The following VPS13A variants were observed in gnomAD, a reference collection of about 807,000 sequenced individuals.
VPS13A encodes intermembrane lipid transfer protein VPS13A.
VPS13A carries 264 observed loss-of-function variants against 390.9 expected under a neutral mutation model. The observed-to-expected ratio is 0.68, with a 90% confidence interval of 0.61 to 0.75. VPS13A has a LOEUF of 0.75. VPS13A is among the 30% of genes least tolerant of loss of function. The pLI is 0.00. For missense variants in VPS13A, 3,409 were observed against 3,733.9 expected, an observed-to-expected ratio of 0.91 and a Z score of 2.27; for synonymous variants, 1,231 against 1,227.1, an observed-to-expected ratio of 1.00 and a Z score of -0.07.
chr9:77,186,232 CATT>C (rs1291029114), intron 1 of VPS13A, among the ~76,000 whole-genome samples: 1 of 152,184 alleles, frequency 6.6e-6, no homozygotes, highest in African/African-American at 2.4e-5. Flanking sequence ...CCCATTGTAA[CATT>C]GTTGTCATTA....
intron 71 of VPS13A, among the ~76,000 whole-genome samples, chr9:77,413,290 CT>C (rs1482793940): frequency 2.6e-5 from 4 of 152,222 alleles, no homozygotes; most frequent in African/African-American, 9.6e-5. Flanking sequence ...CAAGTCAATC[CT>C]AAGCCAAAAG....
At chr9:77,186,560 C>T (rs1019229471) in intron 1 of VPS13A, among the ~76,000 whole-genome samples, 45 of 152,198 alleles carry the variant, frequency 3.0e-4, no homozygotes, top group Admixed American at 2.7e-3. Context: ...GCCTCAGCCT[C>T]CTAAGTAGCT....
At chr9:77,197,220 G>C (rs1825055409) in intron 1 of VPS13A, among the ~76,000 whole-genome samples, 1 of 152,128 alleles carries the variant, frequency 6.6e-6, no homozygotes, top group Admixed American at 6.5e-5. Flanking sequence ...GTGCACCTGA[G>C]AAAAATGTGT....
chr9:77,312,189 G>A (rs1587554088), intron 35 of VPS13A, among the ~76,000 whole-genome samples: 1 of 152,020 alleles, frequency 6.6e-6, no homozygotes, highest in Non-Finnish European at 1.5e-5. Flanking sequence ...CAGAGAAAAT[G>A]TTTAAATGTA....
intron 35 of VPS13A, among the ~76,000 whole-genome samples, chr9:77,309,018 A>G (rs967211885): frequency 2.0e-5 from 3 of 152,228 alleles, no homozygotes; most frequent in Non-Finnish European, 4.4e-5. Context: ...AAATTAAGAT[A>G]AATAGAATCA....
Position 77,408,183 on chromosome 9 carries a change from C to G in VPS13A, c.9474+576C>G, listed in dbSNP as rs145023313. 5.7e-3 allele frequency among the ~76,000 whole-genome samples: 870 copies of G among 152,286 alleles called. 12 individuals carry two copies. Among genetic ancestry groups the G allele is most frequent in the African/African-American group, 0.02 (840 of 41,552 alleles). On this transcript the variant is annotated intron_variant, in intron 71 of 71. Transcript: ENST00000360280. ...TACTTTAGGGATTATGGCAATCAAT[C>G]ACAAGGATGTGCACTGTCAAGAAAA...
chr9:77,227,373 C>T lies in VPS13A; in HGVS notation c.1358-18C>T. ...TGTTTTTATTTAAGAACATAAAGCA[C>T]TTCTTTCTGATTTGTAGCTCTTGAA... is the stretch of plus-strand genomic sequence containing the variant. On this transcript the variant is annotated intron_variant, in intron 15 of 71. Coordinates refer to ENST00000360280, the MANE Select transcript of VPS13A (RefSeq NM_033305.3). 1 of 1,569,766 alleles carries T rather than the reference C, an allele frequency of 6.4e-7. No individual in the cohort carries two copies. The highest frequency in any genetic ancestry group is 8.8e-7 in the Non-Finnish European group (1 of 1,140,828).
chr9:77,320,313 T>C (rs1356048402), intron 42 of VPS13A, among the ~76,000 whole-genome samples: 2 of 152,174 alleles, frequency 1.3e-5, no homozygotes, highest in Non-Finnish European at 2.9e-5. Context: ...TGTGTCATCA[T>C]CTTGTAGGTT....
At chr9:77,344,375 T>G in intron 51 of VPS13A, 94 bp downstream of exon 51, 2 of 1,372,510 alleles carry the variant, frequency 1.5e-6, no homozygotes, top group East Asian at 4.7e-5. Context: ...TAATTACTTC[T>G]GTTGATTTTT....
intron 67 of VPS13A, among the ~76,000 whole-genome samples, chr9:77,380,999 G>A (rs1024662508): frequency 1.3e-5 from 2 of 152,192 alleles, no homozygotes; most frequent in African/African-American, 4.8e-5. Context: ...CAAGTCCCAT[G>A]GGTTGGGGAC....
At chr9:77,321,856 T>C in intron 44 of VPS13A, 110 bp downstream of exon 44, 1 of 1,383,698 alleles carries the variant, frequency 7.2e-7, no homozygotes, top group Non-Finnish European at 9.9e-7. Context: ...GTTTTTGTTT[T>C]TGTTTTTTTA....
At chr9:77,223,488 A>G (rs1823336386) in intron 13 of VPS13A, among the ~76,000 whole-genome samples, 1 of 152,170 alleles carries the variant, frequency 6.6e-6, no homozygotes, top group Non-Finnish European at 1.5e-5. Flanking sequence ...TCCAGGGAAC[A>G]CATGAATGAT....
Position 77,370,530 on chromosome 9 carries a change from A to G in VPS13A, c.8859A>G (p.Pro2953=). 1.2e-6 allele frequency: 2 copies of G among 1,614,200 alleles called. No individual in the cohort carries two copies. The highest frequency in any genetic ancestry group is 1.3e-5 in the African/African-American group (1 of 75,054). ...QKRREAMNKQ[P]AGFREGITRG... ...GAAGAGAAGCCATGAATAAGCAACC[A>G]GCTGGTTTTAGAGAAGGCATCACTC... The change falls in exon 65 of 72, where the codon CCA becomes CCG. Residue 2953 remains proline, a synonymous_variant. Coordinates refer to ENST00000360280, the MANE Select transcript of VPS13A (RefSeq NM_033305.3).
At chr9:77,223,336 A>G (rs11999129) in intron 13 of VPS13A, among the ~76,000 whole-genome samples, 99 of 152,270 alleles carry the variant, frequency 6.5e-4, no homozygotes, top group African/African-American at 2.2e-3. Flanking sequence ...ATAAGGAAGA[A>G]TCATACGTCT....
intron 68 of VPS13A, among the ~76,000 whole-genome samples, chr9:77,399,181 T>TAAAAAAAAAAAAAAAAAAAAAAAAA (rs1223344360): frequency 1.0e-3 from 36 of 34,902 alleles, no homozygotes; most frequent in Non-Finnish European, 1.7e-3. Flanking sequence ...AAAAAAAAAA[T>TAAAAAAAAAAAAAAAAAAAAAAAAA]AAAAAAAAAA....
At chr9:77,299,082 T>C (rs1425089016) in intron 33 of VPS13A, among the ~76,000 whole-genome samples, 1 of 152,200 alleles carries the variant, frequency 6.6e-6, no homozygotes, top group Admixed American at 6.5e-5. Flanking sequence ...TGCGTGGTGT[T>C]ATTTCTGAGG....
At chr9:77,351,825 C>T (rs1049758429) in intron 53 of VPS13A, among the ~76,000 whole-genome samples, 5 of 152,068 alleles carry the variant, frequency 3.3e-5, no homozygotes, top group Non-Finnish European at 7.4e-5. Context: ...GCCAAGATCA[C>T]GCCACTGCAC....
intron 29 of VPS13A, 47 bp downstream of exon 29, chr9:77,282,321 T>C (rs778586002): frequency 2.6e-6 from 4 of 1,525,336 alleles, no homozygotes; most frequent in Admixed American, 3.6e-5. Context: ...TTTTTAACCA[T>C]GTAGGTCAAT....
At chr9:77,218,236 C>A (rs1477452320) in intron 10 of VPS13A, among the ~76,000 whole-genome samples, 1 of 151,180 alleles carries the variant, frequency 6.6e-6, no homozygotes, top group Non-Finnish European at 1.5e-5. Context: ...GTCTCAGACT[C>A]CCGAGTAGCT....
Sources: allele counts gnomAD v4.1 joint callset (sites outside exome capture counted in the v4.1 genomes callset), GRCh38; gene constraint gnomAD v4.1.1; transcripts MANE v1.5; gene names NCBI Gene and HGNC (gene_info 2026-07-23, HGNC 2026-07-21).